Variants in SMYD3 observed in about 807,000 individuals in gnomAD.
The protein encoded by SMYD3 is histone-lysine N-methyltransferase SMYD3.
Under a neutral mutation model 57.7 loss-of-function variants are expected in SMYD3, and 36 were observed. The ratio of observed to expected loss-of-function variants is 0.62; its 90% CI spans 0.48 to 0.82. SMYD3 has a LOEUF of 0.82. SMYD3 is among the 40% of genes least tolerant of loss of function. The pLI, the probability that SMYD3 is intolerant of heterozygous loss-of-function variation, is 0.00. For synonymous variants in SMYD3, 211 were observed against 195.0 expected, an observed-to-expected ratio of 1.08 and a Z score of -0.68; for missense variants, 515 against 538.8, an observed-to-expected ratio of 0.96 and a Z score of 0.44.
chr1:246,222,856 T>C (rs1350531479), intron 5 of SMYD3, among the ~76,000 whole-genome samples: 1 of 152,206 alleles, frequency 6.6e-6, no homozygotes, highest in Non-Finnish European at 1.5e-5. Flanking sequence ...AGAGTTGTCC[T>C]ACAGTAATAA....
chr1:245,892,589 A>G (rs1183763761), intron 8 of SMYD3, among the ~76,000 whole-genome samples: 2 of 152,328 alleles, frequency 1.3e-5, no homozygotes, highest in East Asian at 1.9e-4. Flanking sequence ...CCGGAACTAG[A>G]ACCCAACTTC....
intron 10 of SMYD3, among the ~76,000 whole-genome samples, chr1:245,840,206 T>A (rs1242554789): frequency 2.6e-5 from 4 of 151,838 alleles, no homozygotes; most frequent in Admixed American, 2.6e-4. Flanking sequence ...AATAAAAGGG[T>A]CTTGTAGGAA....
intron 10 of SMYD3, among the ~76,000 whole-genome samples, chr1:245,817,996 T>C: frequency 6.6e-6 from 1 of 152,026 alleles, no homozygotes; most frequent in Non-Finnish European, 1.5e-5. Context: ...CAGGAGAACT[T>C]CCCCAATCTA....
intron 5 of SMYD3, among the ~76,000 whole-genome samples, chr1:246,305,244 T>C (rs536535647): frequency 2.6e-4 from 39 of 152,334 alleles, no homozygotes; most frequent in Non-Finnish European, 4.3e-4. Context: ...TGTTTCATAT[T>C]TTATTCTAAA....
chr1:246,122,276 G>A (rs1031273268), intron 5 of SMYD3, among the ~76,000 whole-genome samples: 1 of 151,994 alleles, frequency 6.6e-6, no homozygotes, highest in Non-Finnish European at 1.5e-5. Context: ...GCCAGCAATG[G>A]TGATGCACAC....
At chr1:245,966,208 G>C (rs1451754126) in intron 5 of SMYD3, among the ~76,000 whole-genome samples, 1 of 151,722 alleles carries the variant, frequency 6.6e-6, no homozygotes, top group Non-Finnish European at 1.5e-5. Flanking sequence ...GTCTCACTCT[G>C]TTGCCCAGCC....
intron 1 of SMYD3, among the ~76,000 whole-genome samples, chr1:246,420,485 G>C (rs150508050): frequency 5.7e-4 from 87 of 152,254 alleles, no homozygotes; most frequent in African/African-American, 2.0e-3. Context: ...CATCATCCAA[G>C]GTTCGTTTGT....
At chr1:245,798,435 T>TACACAC (rs1274832080) in intron 10 of SMYD3, among the ~76,000 whole-genome samples, 1 of 68,580 alleles carries the variant, frequency 1.5e-5, no homozygotes, top group East Asian at 2.8e-4. Flanking sequence ...CCCACACACA[T>TACACAC]ACACACACAT....
chr1:246,394,773 T>C (rs1293465560), intron 1 of SMYD3, among the ~76,000 whole-genome samples: 6 of 150,022 alleles, frequency 4.0e-5, no homozygotes, highest in Non-Finnish European at 8.9e-5. Flanking sequence ...TTTATGATAT[T>C]TGAGAGGCTC....
intron 5 of SMYD3, among the ~76,000 whole-genome samples, chr1:246,225,516 G>A (rs1405406582): frequency 6.6e-6 from 1 of 152,100 alleles, no homozygotes; most frequent in African/African-American, 2.4e-5. Context: ...CTACATAGCA[G>A]TCTTTTCAGA....
At chr1:246,497,457 T>G (rs2068381028) in intron 1 of SMYD3, among the ~76,000 whole-genome samples, 1 of 152,174 alleles carries the variant, frequency 6.6e-6, no homozygotes, top group Non-Finnish European at 1.5e-5. Context: ...TAAGTTGCCT[T>G]TCTGAAAAAT....
intron 5 of SMYD3, among the ~76,000 whole-genome samples, chr1:246,130,645 C>CT (rs35226833): frequency 0.072 from 11,017 of 152,066 alleles, 722 homozygotes; most frequent in South Asian, 0.18. Flanking sequence ...AAAGAAAATG[C>CT]TGTTTGGATT....
chr1:246,448,289 G>A (rs987257135), intron 1 of SMYD3, among the ~76,000 whole-genome samples: 12 of 152,174 alleles, frequency 7.9e-5, no homozygotes, highest in South Asian at 2.1e-4. Context: ...TGGAGACCAC[G>A]CTTTGAGAAC....
intron 5 of SMYD3, among the ~76,000 whole-genome samples, chr1:246,145,323 G>A (rs962331869): frequency 3.9e-5 from 6 of 152,190 alleles, no homozygotes; most frequent in African/African-American, 1.4e-4. Context: ...AATGTATGTA[G>A]TGTCAGCAGC....
intron 5 of SMYD3, among the ~76,000 whole-genome samples, chr1:246,164,589 G>A (rs965598956): frequency 6.6e-6 from 1 of 152,208 alleles, no homozygotes; most frequent in Non-Finnish European, 1.5e-5. Context: ...ACGGGGGCAT[G>A]TGAGTAACCA....
chr1:246,390,353 A>T (rs1333576413), intron 1 of SMYD3, among the ~76,000 whole-genome samples: 1 of 152,058 alleles, frequency 6.6e-6, no homozygotes, highest in Admixed American at 6.6e-5. Flanking sequence ...AGATTGGCTT[A>T]AGGTAAAAAC....
At chr1:245,965,322 T>C (rs191566909) in intron 5 of SMYD3, among the ~76,000 whole-genome samples, 17 of 152,342 alleles carry the variant, frequency 1.1e-4, no homozygotes, top group Non-Finnish European at 2.1e-4. Flanking sequence ...AGCAGTTTCA[T>C]GTTATTCGAA....
chr1:246,242,709 T>C (rs1364177127), intron 5 of SMYD3, among the ~76,000 whole-genome samples: 2 of 142,702 alleles, frequency 1.4e-5, no homozygotes, highest in African/African-American at 5.1e-5. Flanking sequence ...ACCTATCTCA[T>C]GTACAGAGAG....
chr1:246,239,575 G>A (rs1198306367), intron 5 of SMYD3, among the ~76,000 whole-genome samples: 3 of 152,192 alleles, frequency 2.0e-5, no homozygotes, highest in Admixed American at 6.5e-5. Context: ...CTTTATAGCA[G>A]CATGATTTAT....
Sources: gnomAD v4.1 joint callset for allele counts (sites outside exome capture counted in the v4.1 genomes callset) on GRCh38, gnomAD v4.1.1 for gene constraint, MANE v1.5 for transcripts, NCBI Gene and HGNC (gene_info 2026-07-23, HGNC 2026-07-21) for gene names.